Variants in COL4A4 observed in about 807,000 individuals in gnomAD.
COL4A4 encodes collagen type IV alpha 4 chain.
COL4A4 carries 105 observed loss-of-function variants against 192.9 expected under a neutral mutation model. The observed-to-expected ratio is 0.54, with a 90% confidence interval of 0.46 to 0.64. The LOEUF (loss-of-function observed/expected upper bound fraction) is 0.64. Ranked by LOEUF, COL4A4 falls within the 30% of genes least tolerant of loss-of-function variation. COL4A4 has a pLI of 0.00. For synonymous variants in COL4A4, 762 were observed against 769.9 expected (o/e 0.99, Z 0.17); for missense variants, 1,967 against 2,169.3 (o/e 0.91, Z 1.85).
At chr2:227,144,595 TTTC>T in intron 2 of COL4A4, 37 bp from the exon 3 acceptor site, 1 of 1,494,040 alleles carries the variant, frequency 6.7e-7, no homozygotes, top group Non-Finnish European at 9.3e-7. Flanking sequence ...ATTTAAACAG[TTTC>T]TTTTCATGTG....
At position 227,118,676 on chromosome 2, in the gene COL4A4, C is replaced by A. The variant is rs773360119; in HGVS notation, c.458G>T (p.Gly153Val). The stretch of plus-strand genomic sequence containing the variant: ...GCCTCCTGGGCCAAGAGCTCCTCTT[C>A]CTCCTGGAAACCCTGGGTCACCTCT... ...GSRGDPGFPG[G>V]RGALGPGGPL... Residue 153 changes from glycine to valine, a missense_variant, in exon 7 of 48, where the codon GGA (glycine) becomes GTA (valine). Gly to Val is a moderately radical substitution (Grantham distance 109). Transcript: ENST00000396625. 2 of 1,614,082 alleles carry A rather than the reference C, an allele frequency of 1.2e-6. No homozygotes were observed. The highest frequency in any genetic ancestry group is 1.7e-6 in the Non-Finnish European group (2 of 1,179,992).
At chr2:227,019,114 A>G (rs1472767302) in intron 44 of COL4A4, among the ~76,000 whole-genome samples, 1 of 152,194 alleles carries the variant, frequency 6.6e-6, no homozygotes, top group African/African-American at 2.4e-5. Context: ...GCTGCCTGCT[A>G]CAGTCACCTG....
At chr2:227,085,253 G>C (rs908991886) in intron 22 of COL4A4, among the ~76,000 whole-genome samples, 1 of 152,196 alleles carries the variant, frequency 6.6e-6, no homozygotes, top group Non-Finnish European at 1.5e-5. Flanking sequence ...CGCCTGTCCA[G>C]TCCAAGGGGA....
chr2:227,000,168 G>GT (rs1960568570), downstream of COL4A4, among the ~76,000 whole-genome samples: 2 of 152,090 alleles, frequency 1.3e-5, no homozygotes, highest in Admixed American at 1.3e-4. Flanking sequence ...TCAGACTCTC[G>GT]TTATAGAGGA....
At chr2:227,110,450 C>G (rs1318126059) in intron 9 of COL4A4, among the ~76,000 whole-genome samples, 2 of 152,142 alleles carry the variant, frequency 1.3e-5, no homozygotes, top group Non-Finnish European at 2.9e-5. Flanking sequence ...GTGGTGAGAT[C>G]TTGGCTCACT....
At chr2:226,993,580 C>G in the COL4A4 span, among the ~76,000 whole-genome samples, 1 of 152,128 alleles carries the variant, frequency 6.6e-6, no homozygotes, top group Admixed American at 6.5e-5. Flanking sequence ...TTTACAAATA[C>G]ATATGGCAAA....
chr2:227,124,661 T>C (rs1179312242), intron 4 of COL4A4, among the ~76,000 whole-genome samples: 1 of 152,084 alleles, frequency 6.6e-6, no homozygotes, highest in Non-Finnish European at 1.5e-5. Flanking sequence ...GCACAAACCA[T>C]TTGGGGTATT....
chr2:227,058,357 C>T (rs1449083535), intron 28 of COL4A4, among the ~76,000 whole-genome samples: 1 of 152,112 alleles, frequency 6.6e-6, no homozygotes, highest in East Asian at 1.9e-4. Context: ...TATCTATAAC[C>T]TTCTTCCATT....
chr2:227,037,410 T>C (rs1018588226), intron 37 of COL4A4, among the ~76,000 whole-genome samples: 16 of 152,218 alleles, frequency 1.1e-4, no homozygotes, highest in Non-Finnish European at 1.9e-4. Flanking sequence ...GCAAAGGACA[T>C]GCACTCATCC....
the COL4A4 span, among the ~76,000 whole-genome samples, chr2:226,973,741 C>CAGAT: frequency 6.6e-6 from 1 of 152,132 alleles, no homozygotes; most frequent in Non-Finnish European, 1.5e-5. Context: ...AAGTGAAAAC[C>CAGAT]AGATGAGAAG....
chr2:227,082,209 C>G (rs773376931), intron 22 of COL4A4, 22 bp from the exon 23 acceptor site: 1 of 1,596,670 alleles, frequency 6.3e-7, no homozygotes, highest in South Asian at 1.1e-5. Flanking sequence ...ATAAGAGAAA[C>G]AAATTAGGTT....
chr2:226,974,428 G>C, the COL4A4 span, among the ~76,000 whole-genome samples: 197 of 152,016 alleles, frequency 1.3e-3, 1 homozygote, highest in African/African-American at 4.4e-3. Flanking sequence ...TAGTAGAGAC[G>C]GGGTTTCACC....
At chr2:226,983,391 T>G in the COL4A4 span, among the ~76,000 whole-genome samples, 1 of 152,166 alleles carries the variant, frequency 6.6e-6, no homozygotes, top group Non-Finnish European at 1.5e-5. Context: ...CTGGGGCCAG[T>G]TATGTGGTTC....
chr2:227,029,310 T>A (rs1967752359), intron 41 of COL4A4, among the ~76,000 whole-genome samples: 1 of 152,198 alleles, frequency 6.6e-6, no homozygotes, highest in Non-Finnish European at 1.5e-5. Flanking sequence ...TCCTTCCTCT[T>A]GGTGACTAGA....
chr2:227,022,786 G>A (rs1966275731), intron 43 of COL4A4, among the ~76,000 whole-genome samples: 1 of 152,180 alleles, frequency 6.6e-6, no homozygotes, highest in African/African-American at 2.4e-5. Context: ...TTGATAATAG[G>A]ATGTGGCCTG....
chr2:226,973,114 C>G, the COL4A4 span, among the ~76,000 whole-genome samples: 10 of 152,144 alleles, frequency 6.6e-5, no homozygotes, highest in Non-Finnish European at 1.3e-4. Flanking sequence ...ACTTCAGCCT[C>G]GGGGTTCTTG....
At chr2:227,117,269 T>A (rs1448289599) in intron 7 of COL4A4, among the ~76,000 whole-genome samples, 1 of 152,222 alleles carries the variant, frequency 6.6e-6, no homozygotes, top group Non-Finnish European at 1.5e-5. Flanking sequence ...CATGCTATGT[T>A]AAAGTTAAAA....
At chr2:227,054,405 T>C (rs757867805) in intron 31 of COL4A4, among the ~76,000 whole-genome samples, 189 bp downstream of exon 31, 29 of 152,218 alleles carry the variant, frequency 1.9e-4, no homozygotes, top group Non-Finnish European at 4.1e-4. Context: ...ATTTGCCATC[T>C]ATATGTAATA....
chr2:227,015,366 A>G (rs1575757716), intron 44 of COL4A4, among the ~76,000 whole-genome samples: 1 of 152,204 alleles, frequency 6.6e-6, no homozygotes, highest in Non-Finnish European at 1.5e-5. Flanking sequence ...AGCACCTGGG[A>G]ATATGTTAGA....
Sources: gnomAD v4.1 joint callset for allele counts (sites outside exome capture counted in the v4.1 genomes callset) on GRCh38, gnomAD v4.1.1 for gene constraint, MANE v1.5 for transcripts, NCBI Gene and HGNC (gene_info 2026-07-23, HGNC 2026-07-21) for gene names.